ZNF350: variants seen among roughly 807,000 people sequenced by gnomAD.
ZNF350 encodes KRAB zinc finger protein ZFQR.
In ZNF350, 5 loss-of-function variants were observed where a neutral mutation model predicts 13.1. That is an observed-to-expected ratio of 0.38 (90% confidence interval 0.20 to 0.80). ZNF350 has a LOEUF of 0.80. Ranked by LOEUF, ZNF350 falls within the 30% of genes least tolerant of loss-of-function variation. The pLI, the probability that ZNF350 is intolerant of heterozygous loss-of-function variation, is 0.43. For missense variants in ZNF350, 534 were observed against 644.2 expected (o/e 0.83, Z 1.85); for synonymous variants, 199 against 224.2 (o/e 0.89, Z 1.00).
rs765915898 is a variant in ZNF350, at chr19:51,966,102, T to C, written c.351A>G (p.Lys117=). ...DAFENIVHCS[K]SQFLLGQNHD... Reference sequence around the variant, plus strand: ...GATTTTGCCCTAACAGAAACTGACTTTTGCTGCAATGAACAATATTTTCAA... The same window carrying C: ...GATTTTGCCCTAACAGAAACTGACTCTTGCTGCAATGAACAATATTTTCAA... Residue 117 remains lysine, a synonymous_variant, in exon 5 of 5, where the codon AAA becomes AAG. Transcript: ENST00000243644. The C allele has an allele frequency of 4.3e-6, 7 of 1,613,996 alleles. No individual in the cohort carries two copies. The highest frequency in any genetic ancestry group is 4.0e-5 in the African/African-American group (3 of 74,914).
In ZNF350 at chr19:51,974,419, G is replaced by A; in HGVS notation, c.-59C>T. ...GGATGGTCTGTCTTTGTATCTTCTG[G>A]CCTTCTCTTCAGAAGTCTCAGTTTT... On this transcript the variant is annotated 5_prime_UTR_variant, in exon 2 of 5. Transcript: ENST00000243644. 1 of 1,595,652 alleles carries A rather than the reference G, an allele frequency of 6.3e-7. No homozygotes were observed. Among genetic ancestry groups the A allele is most frequent in the East Asian group, 2.2e-5 (1 of 44,764 alleles).
intron 4 of ZNF350, among the ~76,000 whole-genome samples, chr19:51,966,654 T>TTTG (rs2085587096): frequency 2.0e-5 from 3 of 150,842 alleles, no homozygotes; most frequent in African/African-American, 7.3e-5. Context: ...GTTGTTTTTT[T>TTTG]TTTGTTTTTT....
intron 1 of ZNF350, chr19:51,982,040 A>C (rs1046206978): frequency 2.0e-5 from 3 of 152,140 alleles, no homozygotes; most frequent in South Asian, 2.1e-4. Flanking sequence ...CCCTGAAAAA[A>C]AGAAAAAAGA....
intron 1 of ZNF350, among the ~76,000 whole-genome samples, chr19:51,983,809 C>T (rs1391817679): frequency 7.2e-5 from 11 of 152,108 alleles, no homozygotes; most frequent in Non-Finnish European, 1.2e-4. Flanking sequence ...GGTGTGGGTC[C>T]CCCATATGCT....
intron 1 of ZNF350, among the ~76,000 whole-genome samples, chr19:51,978,563 C>T (rs774199626): frequency 1.2e-4 from 19 of 152,114 alleles, no homozygotes; most frequent in Non-Finnish European, 2.2e-4. Context: ...TTTGGGAGCA[C>T]AACTACATGG....
In ZNF350 at chr19:51,974,743, G is replaced by A. The variant is rs182777042; in HGVS notation, c.-171-212C>T. 17 of 163,998 alleles carry A rather than the reference G, an allele frequency of 1.0e-4. No homozygotes were observed. In the East Asian group the frequency reaches 1.5e-3, roughly 14 times the overall value. 10.2% of individuals were successfully genotyped at this position (163,998 alleles called of 1,614,324 possible). A position where few individuals can be genotyped will look rare whatever the true frequency, so the allele number is the denominator to read the frequency against. ...TATGCCTTTCCTCTGTGACGTTTCC[G>A]TGGAAGGACTGTGAAGGCAGGTAGG... is the stretch of plus-strand genomic sequence containing the variant. On this transcript the variant is annotated intron_variant, in intron 1 of 4. Coordinates refer to ENST00000243644, the MANE Select transcript of ZNF350 (RefSeq NM_021632.4).
intron 1 of ZNF350, among the ~76,000 whole-genome samples, chr19:51,981,556 A>G (rs2086045754): frequency 1.3e-5 from 2 of 152,122 alleles, no homozygotes; most frequent in Admixed American, 6.6e-5. Flanking sequence ...GCCTCCCCAC[A>G]TGCGGTTATT....
intron 1 of ZNF350, chr19:51,986,387 C>A (rs2086158697): frequency 6.6e-6 from 1 of 152,600 alleles, no homozygotes; most frequent in African/African-American, 2.4e-5. Context: ...AGACACTCTA[C>A]AGCGATGGAC....
At chr19:51,966,990 T>C (rs2085600324) in intron 4 of ZNF350, among the ~76,000 whole-genome samples, 1 of 152,172 alleles carries the variant, frequency 6.6e-6, no homozygotes. Flanking sequence ...AGGTGTCTCT[T>C]AGTAATAACC....
In ZNF350 at chr19:51,964,896, G is replaced by T; in HGVS notation, c.1557C>A (p.Ser519=). 1 of 1,613,078 alleles carries T rather than the reference G, an allele frequency of 6.2e-7. No homozygotes were observed. Among genetic ancestry groups the T allele is most frequent in the Non-Finnish European group, 8.5e-7 (1 of 1,179,248 alleles). The change falls in exon 5 of 5, where the codon TCC becomes TCA. Residue 519 remains serine (S), a synonymous_variant. Transcript: ENST00000243644. ...CATAAAATAAGACATAATTGATCACGGAAGGCACAACCACATTCACTGCAT... is the reference window on the plus strand; with the variant it reads ...CATAAAATAAGACATAATTGATCACTGAAGGCACAACCACATTCACTGCAT... ...LVNAVNVVVP[S]VINYVLFYVT...
In ZNF350 at chr19:51,965,584, T is replaced by A. The variant is rs990168895; in HGVS notation, c.869A>T (p.Tyr290Phe). The change falls in exon 5 of 5, where the codon TAT (tyrosine) becomes TTT (phenylalanine). Residue 290 changes from tyrosine to phenylalanine, a missense_variant. Transcript: ENST00000243644. ...HQKTHTGEKP[Y>F]ICSECGKGFI... Reference sequence around the variant, plus strand: ...GCCTTTTCCACATTCACTGCATATATAGGGTTTCTCTCCGGTATGTGTTTT... The same window carrying A: ...GCCTTTTCCACATTCACTGCATATAAAGGGTTTCTCTCCGGTATGTGTTTT... The A allele has an allele frequency of 5.0e-6, 8 of 1,614,248 alleles. No individual in the cohort carries two copies. The highest frequency in any genetic ancestry group is 6.8e-6 in the Non-Finnish European group (8 of 1,180,046).
At chr19:51,972,033 G>T (rs1253879994) in intron 2 of ZNF350, among the ~76,000 whole-genome samples, 1 of 152,050 alleles carries the variant, frequency 6.6e-6, no homozygotes, top group African/African-American at 2.4e-5. Context: ...CTTTATTCAG[G>T]GCCATTATGA....
rs781065955 is a variant in ZNF350 at position 51,965,359 on chromosome 19, T to C, written c.1094A>G (p.Gln365Arg). The C allele has an allele frequency of 2.5e-6, 4 of 1,614,016 alleles. No homozygotes were observed. In the South Asian group the frequency reaches 3.3e-5, roughly 13 times the overall value. The change falls in exon 5 of 5, where the codon CAA becomes CGA. Residue 365 changes from glutamine to arginine, a missense_variant. Physicochemically the swap from Gln to Arg is conservative, Grantham distance 43. Coordinates refer to ENST00000243644, the MANE Select transcript of ZNF350 (RefSeq NM_021632.4). ...CSQKSGLIKHQRIHTGEKPFE... is the reference protein window; with the variant it reads ...CSQKSGLIKHRRIHTGEKPFE... Reference sequence around the variant, plus strand: ...GGGTTTCTCTCCTGTGTGAATTCTTTGATGTTTAATGAGACCTGATTTCTG... The same window carrying C: ...GGGTTTCTCTCCTGTGTGAATTCTTCGATGTTTAATGAGACCTGATTTCTG...
chr19:51,968,802 CTA>C (rs2085650139), intron 3 of ZNF350, 129 bp from the exon 4 acceptor site: 7 of 1,414,456 alleles, frequency 4.9e-6, no homozygotes, highest in Non-Finnish European at 6.8e-6. Flanking sequence ...TTATCTGAAA[CTA>C]TGAAAGTTTC....
chr19:51,974,578 G>A, intron 1 of ZNF350, 47 bp from the exon 2 acceptor site: 1 of 552,372 alleles, frequency 1.8e-6, no homozygotes, highest in South Asian at 2.5e-5. Flanking sequence ...ATTTTTTCCA[G>A]GCCCAGATAC....
In ZNF350 at chr19:51,965,780, G is replaced by A. The variant is rs1176130491; in HGVS notation, c.673C>T (p.Gln225Ter). ...FIKKSWLTDH[Q>*]VMHTGEKPHR... Reference sequence around the variant, plus strand: ...GGTTTCTCTCCTGTATGCATTACCTGGTGATCAGTTAGCCAAGACTTCTTG... The same window carrying A: ...GGTTTCTCTCCTGTATGCATTACCTAGTGATCAGTTAGCCAAGACTTCTTG... Residue 225 changes from glutamine to a stop codon, truncating the protein, a stop_gained, in exon 5 of 5, where the codon CAG becomes TAG. Coordinates refer to ENST00000243644, the MANE Select transcript of ZNF350 (RefSeq NM_021632.4). LOFTEE classifies it low-confidence loss of function (END_TRUNC). The A allele has an allele frequency of 1.2e-6, 2 of 1,613,844 alleles. No individual in the cohort carries two copies. Among genetic ancestry groups the A allele is most frequent in the Non-Finnish European group, 1.7e-6 (2 of 1,179,868 alleles).
intron 1 of ZNF350, among the ~76,000 whole-genome samples, chr19:51,980,347 C>T (rs1412848133): frequency 1.3e-5 from 2 of 152,214 alleles, no homozygotes; most frequent in African/African-American, 4.8e-5. Flanking sequence ...TCAGCTTACT[C>T]ACTGTGTCCA....
At chr19:51,967,298 G>A (rs547658717) in intron 4 of ZNF350, 14 of 152,296 alleles carry the variant, frequency 9.2e-5, no homozygotes, top group African/African-American at 3.1e-4. Context: ...TGGTGCTGGT[G>A]TTGGGGATAG....
At position 51,965,919 on chromosome 19, in the gene ZNF350, G is replaced by T; in HGVS notation, c.534C>A (p.Phe178Leu). Residue 178 changes from phenylalanine (F) to leucine (L), a missense_variant, in exon 5 of 5, where the codon TTC becomes TTA. Phe to Leu is a conservative substitution (Grantham distance 22). Transcript: ENST00000243644. ...NHERLHTAIKFPASQKLISTK... is the reference protein window; with the variant it reads ...NHERLHTAIKLPASQKLISTK... The stretch of plus-strand genomic sequence containing the variant: ...TGCTGATGAGTTTTTGACTTGCAGG[G>T]AATTTAATTGCAGTATGAAGTCGTT... 1 of 1,614,028 alleles carries T rather than the reference G, an allele frequency of 6.2e-7. No homozygotes were observed. Among genetic ancestry groups the T allele is most frequent in the Non-Finnish European group, 8.5e-7 (1 of 1,180,042 alleles).
Sources: gnomAD v4.1 joint callset for allele counts (sites outside exome capture counted in the v4.1 genomes callset) on GRCh38, gnomAD v4.1.1 for gene constraint, MANE v1.5 for transcripts, NCBI Gene and HGNC (gene_info 2026-07-23, HGNC 2026-07-21) for gene names.